TMEM276: variants seen among roughly 807,000 people sequenced by gnomAD.
TMEM276 encodes the protein transmembrane protein 276.
At chr8:144,464,051 A>C in the TMEM276 span, 2 of 1,549,752 alleles carry the variant, frequency 1.3e-6, no homozygotes, top group African/African-American at 2.7e-5. Context: ...ACCCCTAGGG[A>C]GAAGGCGCCA....
the TMEM276 span, chr8:144,464,524 C>T: frequency 6.2e-7 from 1 of 1,612,334 alleles, no homozygotes. Context: ...TCCAGCAAGG[C>T]AGTCTTCGTG....
the TMEM276 span, chr8:144,466,811 C>T: frequency 3.9e-6 from 6 of 1,537,980 alleles, no homozygotes; most frequent in African/African-American, 6.9e-5. Flanking sequence ...CGCGCCAGAG[C>T]TGTGGACCGA....
At chr8:144,466,579 G>T in the TMEM276 span, 3 of 988,596 alleles carry the variant, frequency 3.0e-6, no homozygotes, top group South Asian at 8.6e-5. Flanking sequence ...CCCACGCCGA[G>T]GTTCCCGGGG....
chr8:144,465,312 C>T, the TMEM276 span: 2 of 1,103,798 alleles, frequency 1.8e-6, no homozygotes, highest in African/African-American at 1.9e-5. Context: ...CCAGGAGGAG[C>T]GACGGCGCAG....
the TMEM276 span, chr8:144,464,644 A>G: frequency 6.3e-7 from 1 of 1,583,638 alleles, no homozygotes; most frequent in Non-Finnish European, 8.6e-7. Flanking sequence ...AACACGTGGG[A>G]AAAAGAGGCC....
chr8:144,466,660 G>T, the TMEM276 span: 2 of 1,088,618 alleles, frequency 1.8e-6, no homozygotes, highest in South Asian at 1.8e-5. Flanking sequence ...GATGCTGGAA[G>T]CGTAGACTTC....
the TMEM276 span, chr8:144,464,283 C>A: frequency 6.2e-6 from 10 of 1,613,180 alleles, no homozygotes; most frequent in African/African-American, 1.3e-5. Flanking sequence ...TCGCCCCCCC[C>A]CACATCCCAT....
the TMEM276 span, chr8:144,464,171 CCCAG>C: frequency 6.2e-7 from 1 of 1,612,982 alleles, no homozygotes; most frequent in Non-Finnish European, 8.5e-7. Flanking sequence ...CGGCAGTAAG[CCCAG>C]CTGCCTACAG....
At chr8:144,466,443 C>A in the TMEM276 span, 1 of 1,363,406 alleles carries the variant, frequency 7.3e-7, no homozygotes, top group Non-Finnish European at 9.6e-7. Flanking sequence ...ACTCGTTGCT[C>A]ATCTACATCT....
the TMEM276 span, chr8:144,466,761 G>C: frequency 6.5e-7 from 1 of 1,530,490 alleles, no homozygotes; most frequent in South Asian, 1.2e-5. Context: ...CCTCCCTAGA[G>C]AGCCCGCAAG....
the TMEM276 span, chr8:144,464,423 C>G: frequency 6.2e-7 from 1 of 1,612,288 alleles, no homozygotes; most frequent in Non-Finnish European, 8.5e-7. Context: ...ATGCCTCCTC[C>G]CAGGAGCAGG....
At chr8:144,465,001 G>T in the TMEM276 span, 1 of 1,546,066 alleles carries the variant, frequency 6.5e-7, no homozygotes, top group South Asian at 1.2e-5. Flanking sequence ...CCCTACGCGC[G>T]GCACTCTAGT....
chr8:144,466,383 C>A, the TMEM276 span: 3 of 933,348 alleles, frequency 3.2e-6, no homozygotes, highest in Non-Finnish European at 4.2e-6. Context: ...GGACGCGGGG[C>A]GGCGCGAAGC....
the TMEM276 span, chr8:144,464,999 G>A: frequency 2.1e-5 from 32 of 1,547,528 alleles, no homozygotes; most frequent in East Asian, 6.9e-4. Context: ...AGCCCTACGC[G>A]CGGCACTCTA....
the TMEM276 span, chr8:144,465,158 TG>T: frequency 1.4e-6 from 2 of 1,404,780 alleles, no homozygotes; most frequent in Admixed American, 2.6e-5. Context: ...GGGTCTAAGC[TG>T]GGGGGAACGT....
At chr8:144,464,073 G>A in the TMEM276 span, 1 of 1,563,962 alleles carries the variant, frequency 6.4e-7, no homozygotes, top group Non-Finnish European at 8.7e-7. Flanking sequence ...GAGCAGGCAG[G>A]TGGGAGGGAA....
the TMEM276 span, chr8:144,466,470 C>T: frequency 7.4e-7 from 1 of 1,352,894 alleles, no homozygotes; most frequent in Non-Finnish European, 9.6e-7. Flanking sequence ...GCCTCTTCCG[C>T]AGGGATGGTG....
At chr8:144,465,161 G>T in the TMEM276 span, 1 of 1,383,400 alleles carries the variant, frequency 7.2e-7, no homozygotes. Context: ...TCTAAGCTGG[G>T]GGGAACGTCA....
chr8:144,464,392 C>G, the TMEM276 span: 1 of 1,610,782 alleles, frequency 6.2e-7, no homozygotes, highest in East Asian at 2.2e-5. Flanking sequence ...GCCGAGGTGG[C>G]CGCCAGCCAC....
Sources: gnomAD v4.1 joint callset for allele counts on GRCh38, gnomAD v4.1.1 for gene constraint, MANE v1.5 for transcripts, NCBI Gene and HGNC (gene_info 2026-07-23, HGNC 2026-07-21) for gene names.